The following KCNMA1 variants were observed in gnomAD, a reference collection of about 807,000 sequenced individuals.
The protein encoded by KCNMA1 is potassium calcium-activated channel subfamily M alpha 1.
A neutral mutation model predicts 140.0 loss-of-function variants in KCNMA1; 29 were observed. That is an observed-to-expected ratio of 0.21 (90% CI 0.15 to 0.28). KCNMA1 has a LOEUF of 0.28. Ranked by LOEUF, KCNMA1 falls within the 10% of genes least tolerant of loss-of-function variation. The probability of loss-of-function intolerance (pLI) is 1.00; values close to 1 mark genes in which losing one functional copy is unlikely to be tolerated. For synonymous variants in KCNMA1, 612 were observed against 611.9 expected (o/e 1.00, Z 0.00); for missense variants, 880 against 1,602.2 (o/e 0.55, Z 7.70).
chr10:77,308,469 A>G (rs890550136), intron 2 of KCNMA1, among the ~76,000 whole-genome samples: 5 of 152,110 alleles, frequency 3.3e-5, no homozygotes, highest in Non-Finnish European at 5.9e-5. Context: ...GCCCTCAAAC[A>G]TTAGATGGGC....
At chr10:76,929,679 C>T (rs538489571) in intron 23 of KCNMA1, among the ~76,000 whole-genome samples, 3 of 152,166 alleles carry the variant, frequency 2.0e-5, no homozygotes, top group African/African-American at 2.4e-5. Context: ...TTGGGCTGCA[C>T]GTTGGAATCA....
intron 5 of KCNMA1, among the ~76,000 whole-genome samples, chr10:77,170,295 C>T (rs200921672): frequency 6.6e-6 from 1 of 152,244 alleles, no homozygotes. Flanking sequence ...CAGGCCTGGG[C>T]ATCTCAGTGT....
intron 1 of KCNMA1, among the ~76,000 whole-genome samples, chr10:77,529,274 C>T (rs1446341383): frequency 1.3e-5 from 2 of 151,774 alleles, no homozygotes; most frequent in East Asian, 3.9e-4. Context: ...TTTCCCAGCT[C>T]ACCTCTGGGC....
intron 2 of KCNMA1, among the ~76,000 whole-genome samples, chr10:77,326,890 G>A (rs537719759): frequency 1.4e-4 from 22 of 152,060 alleles, no homozygotes; most frequent in Middle Eastern, 3.4e-3. Flanking sequence ...TGATAATTAC[G>A]TGGTTATTAG....
intron 1 of KCNMA1, among the ~76,000 whole-genome samples, chr10:77,468,396 T>A (rs2098080323): frequency 6.6e-6 from 1 of 152,192 alleles, no homozygotes; most frequent in South Asian, 2.1e-4. Context: ...GAAGTCCTAA[T>A]GCCCAGTACC....
At chr10:77,506,011 G>T (rs1048142529) in intron 1 of KCNMA1, among the ~76,000 whole-genome samples, 1 of 152,164 alleles carries the variant, frequency 6.6e-6, no homozygotes, top group Non-Finnish European at 1.5e-5. Flanking sequence ...GGCACCAGGA[G>T]AAGCAAGTCC....
At chr10:77,525,175 T>C (rs2055114275) in intron 1 of KCNMA1, among the ~76,000 whole-genome samples, 1 of 152,234 alleles carries the variant, frequency 6.6e-6, no homozygotes. Context: ...GCAGTTCTAA[T>C]TAATATAATT....
At chr10:77,319,312 C>T (rs1407967883) in intron 2 of KCNMA1, among the ~76,000 whole-genome samples, 6 of 152,164 alleles carry the variant, frequency 3.9e-5, no homozygotes, top group African/African-American at 1.4e-4. Context: ...AAAGGAACAA[C>T]ACAGACTGTT....
intron 2 of KCNMA1, among the ~76,000 whole-genome samples, chr10:77,317,295 T>C (rs1156444242): frequency 6.6e-6 from 1 of 152,222 alleles, no homozygotes; most frequent in Non-Finnish European, 1.5e-5. Context: ...CCTGGGATCC[T>C]TCTTGCTGAA....
chr10:77,512,852 G>A (rs534249642), intron 1 of KCNMA1, among the ~76,000 whole-genome samples: 6 of 152,114 alleles, frequency 3.9e-5, no homozygotes, highest in East Asian at 1.9e-4. Flanking sequence ...CGGTATATCC[G>A]ACTTGAGCCT....
intron 1 of KCNMA1, among the ~76,000 whole-genome samples, chr10:77,475,641 T>C (rs2098262463): frequency 6.6e-6 from 1 of 152,222 alleles, no homozygotes; most frequent in Non-Finnish European, 1.5e-5. Context: ...GGTTCTTACT[T>C]TGACCTTTAA....
At chr10:77,071,820 G>C (rs1565910621) in intron 14 of KCNMA1, among the ~76,000 whole-genome samples, 1 of 152,180 alleles carries the variant, frequency 6.6e-6, no homozygotes, top group Non-Finnish European at 1.5e-5. Flanking sequence ...CCTTTATGTG[G>C]AGCAATGTTA....
At chr10:77,265,311 C>T (rs942519753) in intron 2 of KCNMA1, among the ~76,000 whole-genome samples, 2 of 152,204 alleles carry the variant, frequency 1.3e-5, no homozygotes, top group Admixed American at 6.5e-5. Flanking sequence ...CTTGGTCTCC[C>T]AAAGTGCTGG....
intron 1 of KCNMA1, among the ~76,000 whole-genome samples, chr10:77,435,714 G>A (rs547524981): frequency 7.9e-5 from 12 of 152,302 alleles, no homozygotes; most frequent in South Asian, 2.1e-4. Context: ...GAAATCAAGC[G>A]CATGGAAGAA....
chr10:77,383,038 G>A (rs2095483192), intron 2 of KCNMA1, among the ~76,000 whole-genome samples: 2 of 127,628 alleles, frequency 1.6e-5, no homozygotes, highest in African/African-American at 6.4e-5. Context: ...ATTCCAAGTG[G>A]AGGAAAGAAG....
intron 1 of KCNMA1, among the ~76,000 whole-genome samples, chr10:77,551,822 G>A (rs567213040): frequency 1.3e-5 from 2 of 152,224 alleles, no homozygotes; most frequent in East Asian, 3.9e-4. Context: ...ATCAACCAGA[G>A]GACAGATGTA....
chr10:77,287,857 C>T (rs1366500662), intron 2 of KCNMA1, among the ~76,000 whole-genome samples: 2 of 152,200 alleles, frequency 1.3e-5, no homozygotes, highest in East Asian at 1.9e-4. Flanking sequence ...GTTACTGCTG[C>T]CTTATCTTGA....
chr10:77,493,593 A>T (rs2040724441), intron 1 of KCNMA1, among the ~76,000 whole-genome samples: 1 of 152,232 alleles, frequency 6.6e-6, no homozygotes, highest in African/African-American at 2.4e-5. Context: ...ACCCTCCTAG[A>T]GTTGCCTGCA....
At chr10:77,063,786 G>T in intron 14 of KCNMA1, 1 of 985,402 alleles carries the variant, frequency 1.0e-6, no homozygotes, top group Non-Finnish European at 1.2e-6. Context: ...AAATTTGGAA[G>T]AGTGGGGAGG....
Sources: gnomAD v4.1 joint callset for allele counts (sites outside exome capture counted in the v4.1 genomes callset) on GRCh38, gnomAD v4.1.1 for gene constraint, MANE v1.5 for transcripts, NCBI Gene and HGNC (gene_info 2026-07-23, HGNC 2026-07-21) for gene names.